RXFP1: variants seen among roughly 807,000 people sequenced by gnomAD.
The protein encoded by RXFP1 is relaxin receptor 1.
RXFP1 carries 73 observed loss-of-function variants against 89.8 expected under a neutral mutation model. The ratio of observed to expected loss-of-function variants is 0.81; its 90% CI spans 0.67 to 0.99. The LOEUF (loss-of-function observed/expected upper bound fraction) is 0.99. Ranked by LOEUF, RXFP1 falls within the 50% of genes least tolerant of loss-of-function variation. RXFP1 has a pLI of 0.00. For missense variants in RXFP1, 793 were observed against 895.5 expected (o/e 0.89, Z 1.46); for synonymous variants, 277 against 305.5 (o/e 0.91, Z 0.97).
At chr4:158,556,824 A>G (rs145532321) in intron 1 of RXFP1, among the ~76,000 whole-genome samples, 2 of 152,342 alleles carry the variant, frequency 1.3e-5, no homozygotes, top group African/African-American at 4.8e-5. Flanking sequence ...AAAATAAGCC[A>G]GACACAGAAA....
Position 158,651,774 on chromosome 4 carries a change from G to A in RXFP1, c.1993G>A (p.Val665Ile), listed in dbSNP as rs2150285713. The A allele has an allele frequency of 6.2e-7, 1 of 1,610,446 alleles. No individual in the cohort carries two copies. The highest frequency in any genetic ancestry group is 8.5e-7 in the Non-Finnish European group (1 of 1,178,164). The change falls in exon 18 of 18, where the codon GTA becomes ATA. Residue 665 changes from valine (V) to isoleucine (I), a missense_variant. Coordinates refer to ENST00000307765, the MANE Select transcript of RXFP1 (RefSeq NM_021634.4). ...VEIPGTITSW[V>I]VIFILPINSA... The stretch of plus-strand genomic sequence containing the variant: ...TTTTTTAGGTACCATAACCTCTTGG[G>A]TAGTGATTTTTATTCTGCCCATTAA...
chr4:158,533,424 G>T (rs1190932816), intron 1 of RXFP1, among the ~76,000 whole-genome samples: 1 of 152,200 alleles, frequency 6.6e-6, no homozygotes, highest in African/African-American at 2.4e-5. Context: ...CAAAGCCACA[G>T]TAATTAGAAA....
intron 8 of RXFP1, among the ~76,000 whole-genome samples, chr4:158,614,286 G>A (rs1242199652): frequency 6.6e-6 from 1 of 152,202 alleles, no homozygotes; most frequent in Non-Finnish European, 1.5e-5. Context: ...AAGACAGTCA[G>A]CTTGTCCTTT....
At chr4:158,527,473 G>A (rs1742813250) in intron 1 of RXFP1, among the ~76,000 whole-genome samples, 1 of 148,730 alleles carries the variant, frequency 6.7e-6, no homozygotes, top group Non-Finnish European at 1.5e-5. Context: ...AACCCAGGAG[G>A]CAAAGGTTGC....
chr4:158,579,766 T>A lies in RXFP1; in HGVS notation c.187+6931T>A, dbSNP rs538199343. On this transcript the variant is annotated intron_variant, in intron 2 of 17. Transcript: ENST00000307765. ...AGTGGATTTTAGACAGAATTTCCAA[T>A]GAGCTGTTCTTACGCATAATTGTAT... Among the ~76,000 whole-genome samples the A allele has an allele frequency of 1.2e-4, 19 of 152,350 alleles. No homozygotes were observed. In the South Asian group the frequency reaches 2.9e-3, roughly 23 times the overall value.
chr4:158,647,532 T>C (rs1771801660), intron 16 of RXFP1, among the ~76,000 whole-genome samples: 1 of 152,130 alleles, frequency 6.6e-6, no homozygotes, highest in Non-Finnish European at 1.5e-5. Context: ...AAATCAGCAA[T>C]GTAAAAATAT....
At chr4:158,538,736 G>A (rs1033460622) in intron 1 of RXFP1, among the ~76,000 whole-genome samples, 25 of 151,848 alleles carry the variant, frequency 1.6e-4, no homozygotes, top group Admixed American at 5.9e-4. Flanking sequence ...CTCGGGAGGC[G>A]GAGGTTGCAG....
chr4:158,610,222 G>A (rs1763320743), intron 6 of RXFP1, among the ~76,000 whole-genome samples: 1 of 152,046 alleles, frequency 6.6e-6, no homozygotes. Context: ...CCGAGATCGC[G>A]CCACTGCACT....
intron 10 of RXFP1, among the ~76,000 whole-genome samples, chr4:158,628,318 A>C (rs562774909): frequency 2.0e-5 from 3 of 152,284 alleles, no homozygotes; most frequent in African/African-American, 7.2e-5. Context: ...CTGAAAAGAC[A>C]AGTCTAAAAC....
chr4:158,547,162 C>T (rs944413364), intron 1 of RXFP1, among the ~76,000 whole-genome samples: 1 of 152,072 alleles, frequency 6.6e-6, no homozygotes, highest in Non-Finnish European at 1.5e-5. Context: ...TCAACTTCTT[C>T]CTGGTTTAGT....
chr4:158,532,487 C>T (rs1215310766), intron 1 of RXFP1, among the ~76,000 whole-genome samples: 2 of 152,128 alleles, frequency 1.3e-5, no homozygotes, highest in Non-Finnish European at 2.9e-5. Context: ...TCCCCTTCTC[C>T]CCTTCTGACC....
At chr4:158,624,757 A>T (rs1250566796) in intron 9 of RXFP1, among the ~76,000 whole-genome samples, 1 of 152,158 alleles carries the variant, frequency 6.6e-6, no homozygotes, top group Non-Finnish European at 1.5e-5. Context: ...TTAGGAAGAA[A>T]ATATACATAT....
At chr4:158,626,115 GA>G (rs1561157141) in intron 9 of RXFP1, among the ~76,000 whole-genome samples, 2 of 23,388 alleles carry the variant, frequency 8.6e-5, no homozygotes, top group Non-Finnish European at 1.5e-4. Context: ...TATCTATATA[GA>G]TAGATAGATA....
intron 9 of RXFP1, among the ~76,000 whole-genome samples, chr4:158,617,426 A>AAATATAT (rs975508767): frequency 1.0e-4 from 15 of 149,246 alleles, no homozygotes; most frequent in African/African-American, 3.7e-4. Flanking sequence ...TCTCAAAAAA[A>AAATATAT]ATATATATAT....
At chr4:158,567,619 C>T (rs1310948764) in intron 1 of RXFP1, among the ~76,000 whole-genome samples, 2 of 152,090 alleles carry the variant, frequency 1.3e-5, no homozygotes, top group African/African-American at 4.8e-5. Flanking sequence ...TTTGTGAATG[C>T]ACCAATCAGC....
chr4:158,598,693 C>A (rs2150086747), intron 3 of RXFP1, among the ~76,000 whole-genome samples: 1 of 152,206 alleles, frequency 6.6e-6, no homozygotes, highest in African/African-American at 2.4e-5. Context: ...CTCTTTCCAA[C>A]ACCAAACACC....
At chr4:158,640,938 T>C (rs977468058) in intron 14 of RXFP1, among the ~76,000 whole-genome samples, 11 of 152,220 alleles carry the variant, frequency 7.2e-5, no homozygotes, top group African/African-American at 2.4e-4. Flanking sequence ...GTATGTCTAG[T>C]TGTACCTGTG....
chr4:158,568,583 G>A (rs116158482), intron 1 of RXFP1, among the ~76,000 whole-genome samples: 1,783 of 152,246 alleles, frequency 0.012, 8 homozygotes, highest in Non-Finnish European at 0.016. Context: ...TCTGAAATAC[G>A]TGATGTTCTG....
At chr4:158,623,502 CAAAAAAAAAAA>C (rs56692438) in intron 9 of RXFP1, among the ~76,000 whole-genome samples, 4 of 42,604 alleles carry the variant, frequency 9.4e-5, no homozygotes, top group African/African-American at 2.8e-4. Flanking sequence ...AACTCCATCT[CAAAAAAAAAAA>C]AAAAAAAAAA....
Sources: allele counts gnomAD v4.1 joint callset (sites outside exome capture counted in the v4.1 genomes callset), GRCh38; gene constraint gnomAD v4.1.1; transcripts MANE v1.5; gene names NCBI Gene and HGNC (gene_info 2026-07-23, HGNC 2026-07-21).